Variants in MAP4K4 observed in about 807,000 individuals in gnomAD.
MAP4K4 encodes HPK/GCK-like kinase HGK.
In MAP4K4, 38 loss-of-function variants were observed where a neutral mutation model predicts 189.6. The observed-to-expected ratio is 0.20, with a 90% CI of 0.15 to 0.26. The LOEUF (loss-of-function observed/expected upper bound fraction) is 0.26. MAP4K4 is among the 10% of genes least tolerant of loss of function. MAP4K4 has a pLI of 1.00. For synonymous variants in MAP4K4, 610 were observed against 624.3 expected (o/e 0.98, Z 0.34); for missense variants, 1,054 against 1,726.9 (o/e 0.61, Z 6.91).
intron 2 of MAP4K4, among the ~76,000 whole-genome samples, chr2:101,705,701 A>G (rs993805650): frequency 2.0e-5 from 3 of 152,252 alleles, no homozygotes; most frequent in Non-Finnish European, 4.4e-5. Context: ...TTAATTTCAG[A>G]AATGATCTTG....
chr2:101,887,865 G>A (rs2098510179), exon 31 of MAP4K4: 1 of 1,612,900 alleles, frequency 6.2e-7, no homozygotes, highest in Non-Finnish European at 8.5e-7. Flanking sequence ...AGATGAGGGG[G>A]TTTATGTAAA....
intron 2 of MAP4K4, among the ~76,000 whole-genome samples, chr2:101,785,628 A>G (rs17205221): frequency 0.043 from 5,504 of 128,514 alleles, 266 homozygotes; most frequent in South Asian, 0.077. Context: ...TGATAGTAGA[A>G]CATTTGAGAA....
At chr2:101,705,668 G>A (rs776973112) in intron 2 of MAP4K4, among the ~76,000 whole-genome samples, 11 of 152,182 alleles carry the variant, frequency 7.2e-5, no homozygotes, top group Non-Finnish European at 1.6e-4. Context: ...AAACTCAGGT[G>A]ATATAAAAGT....
intron 2 of MAP4K4, among the ~76,000 whole-genome samples, chr2:101,711,902 T>C (rs1238061224): frequency 2.0e-5 from 3 of 151,486 alleles, no homozygotes; most frequent in African/African-American, 7.3e-5. Flanking sequence ...TTTTTTCTTG[T>C]CTTTATACTG....
Position 101,863,743 on chromosome 2 carries a change from C to T in MAP4K4, c.1867-78C>T, listed in dbSNP as rs939457849. On this transcript the variant is annotated intron_variant, in intron 16 of 32. Transcript: ENST00000324219. ...TGTATTCCGCCTCTGCCAGTTCCTGCTTTGGATTTGGTATTGACCAGAAAA... is the reference window on the plus strand; with the variant it reads ...TGTATTCCGCCTCTGCCAGTTCCTGTTTTGGATTTGGTATTGACCAGAAAA... 2.1e-5 allele frequency: 20 copies of T among 965,336 alleles called. No individual in the cohort carries two copies. In the African/African-American group the frequency reaches 3.0e-4, roughly 14 times the overall value. The allele number at this position is 965,336 out of a possible 1,614,324, so 59.8% of individuals were successfully genotyped here.
intron 2 of MAP4K4, among the ~76,000 whole-genome samples, chr2:101,762,172 C>G (rs924198615): frequency 6.6e-6 from 1 of 152,192 alleles, no homozygotes; most frequent in South Asian, 2.1e-4. Flanking sequence ...TTTCTGTGAT[C>G]TTGGTGATGA....
intron 9 of MAP4K4, among the ~76,000 whole-genome samples, chr2:101,836,974 A>G (rs1285217575): frequency 6.7e-6 from 1 of 150,370 alleles, no homozygotes; most frequent in African/African-American, 2.5e-5. Flanking sequence ...TCCCTCCTGA[A>G]TTTCTTTCTG....
intron 5 of MAP4K4, among the ~76,000 whole-genome samples, chr2:101,828,268 A>G (rs1006819359): frequency 6.6e-6 from 1 of 152,234 alleles, no homozygotes. Context: ...TGCAAGTTAG[A>G]GAGCAAAAAT....
In MAP4K4 at chr2:101,893,275, T is replaced by A. The variant is rs146402687; in HGVS notation, c.*2026T>A. 76 of 456,326 alleles carry A rather than the reference T, an allele frequency of 1.7e-4. No individual in the cohort carries two copies. The East Asian group carries it at 4.5e-3, about 27-fold the overall frequency. 28.3% of individuals were successfully genotyped at this position (456,326 alleles called of 1,614,324 possible). A position where few individuals can be genotyped will look rare whatever the true frequency, so the allele number is the denominator to read the frequency against. The stretch of plus-strand genomic sequence containing the variant: ...ACCTGTAAAGACAAGCTGAGAAGCT[T>A]ACTTTTTGGGGAAGTAAAAGAAGAT... On this transcript the variant is annotated 3_prime_UTR_variant, in exon 33 of 33. Coordinates refer to ENST00000324219, the Ensembl canonical transcript of MAP4K4.
chr2:101,747,196 G>A (rs889287089), intron 2 of MAP4K4, among the ~76,000 whole-genome samples: 2 of 152,026 alleles, frequency 1.3e-5, no homozygotes, highest in Non-Finnish European at 2.9e-5. Context: ...TTGGCTCAGC[G>A]CAACCTCCGC....
At chr2:101,738,638 T>A (rs1033779423) in intron 2 of MAP4K4, among the ~76,000 whole-genome samples, 2 of 152,180 alleles carry the variant, frequency 1.3e-5, no homozygotes, top group Non-Finnish European at 2.9e-5. Context: ...TCTTATTCTC[T>A]CACTATTCTC....
At chr2:101,801,898 C>G (rs71415330) in intron 3 of MAP4K4, among the ~76,000 whole-genome samples, 1 of 152,196 alleles carries the variant, frequency 6.6e-6, no homozygotes, top group African/African-American at 2.4e-5. Flanking sequence ...CAACTCCACC[C>G]TCCTCATTGC....
intron 2 of MAP4K4, among the ~76,000 whole-genome samples, chr2:101,732,348 C>G (rs1432216804): frequency 6.6e-6 from 1 of 152,118 alleles, no homozygotes; most frequent in Non-Finnish European, 1.5e-5. Context: ...GAATGGCAGG[C>G]AACCATTCAG....
At chr2:101,829,668 C>T in intron 6 of MAP4K4, 74 bp downstream of exon 6, 1 of 1,024,690 alleles carries the variant, frequency 9.8e-7, no homozygotes, top group Non-Finnish European at 1.5e-6. Context: ...GTTCTGCTTC[C>T]ATCTAGCTAA....
At chr2:101,703,853 A>G (rs369372536) in intron 2 of MAP4K4, among the ~76,000 whole-genome samples, 1 of 151,940 alleles carries the variant, frequency 6.6e-6, no homozygotes, top group South Asian at 2.1e-4. Context: ...TCTACTAAAA[A>G]TAGAAAAATT....
intron 12 of MAP4K4, among the ~76,000 whole-genome samples, chr2:101,847,182 A>G (rs2097136382): frequency 6.6e-6 from 1 of 152,138 alleles, no homozygotes; most frequent in Non-Finnish European, 1.5e-5. Context: ...GTTACTCATG[A>G]TTGTGGTGAT....
At chr2:101,741,911 A>C (rs2063005801) in intron 2 of MAP4K4, among the ~76,000 whole-genome samples, 1 of 152,250 alleles carries the variant, frequency 6.6e-6, no homozygotes, top group African/African-American at 2.4e-5. Context: ...CAAGTGTTTC[A>C]CTTCAGGCTG....
At chr2:101,848,359 G>A (rs752621488) in intron 12 of MAP4K4, among the ~76,000 whole-genome samples, 1 of 152,170 alleles carries the variant, frequency 6.6e-6, no homozygotes, top group Non-Finnish European at 1.5e-5. Context: ...GAACCTGTGG[G>A]TACAGAGGCT....
rs1016106876 is a variant in MAP4K4, at chr2:101,770,343, A to T, written c.124-20377A>T. Among the ~76,000 whole-genome samples the T allele has an allele frequency of 3.1e-4, 45 of 143,522 alleles. 1 individual carries two copies. The allele number at this position is 143,522 out of a possible 152,430, so 94.2% of individuals were successfully genotyped here. A position where few individuals can be genotyped will look rare whatever the true frequency, so the allele number is the denominator to read the frequency against. ...GGCTCACTGCAGTCTCTGCCTCCCG[A>T]GTTCAAGTGATTCTCCTGCCTCAGC... On this transcript the variant is annotated intron_variant, in intron 2 of 32. Coordinates refer to ENST00000324219, the Ensembl canonical transcript of MAP4K4.
Sources: gnomAD v4.1 joint callset for allele counts (sites outside exome capture counted in the v4.1 genomes callset) on GRCh38, gnomAD v4.1.1 for gene constraint, MANE v1.5 for transcripts, NCBI Gene and HGNC (gene_info 2026-07-23, HGNC 2026-07-21) for gene names.